Variants in NRXN1 observed in about 807,000 individuals in gnomAD.
The protein encoded by NRXN1 is neurexin-1.
A neutral mutation model predicts 150.9 loss-of-function variants in NRXN1; 39 were observed. That is an observed-to-expected ratio of 0.26 (90% CI 0.20 to 0.34). The LOEUF is 0.34. Among genes scored for constraint, NRXN1 ranks in the 10% least tolerant of loss-of-function variants. The pLI, the probability that NRXN1 is intolerant of heterozygous loss-of-function variation, is 1.00. For synonymous variants in NRXN1, 924 were observed against 757.0 expected (o/e 1.22, Z -3.62); for missense variants, 1,815 against 1,949.9 (o/e 0.93, Z 1.30).
At chr2:50,781,131 T>C (rs1371840615) in intron 5 of NRXN1, among the ~76,000 whole-genome samples, 1 of 152,204 alleles carries the variant, frequency 6.6e-6, no homozygotes. Flanking sequence ...AAACCTCATT[T>C]TCCTCAAGGA....
At chr2:50,977,000 T>C (rs1005069616) in intron 2 of NRXN1, among the ~76,000 whole-genome samples, 1 of 152,054 alleles carries the variant, frequency 6.6e-6, no homozygotes, top group African/African-American at 2.4e-5. Context: ...TTTGAAGGCA[T>C]AGCTTAATGT....
At position 50,315,996 on chromosome 2, in the gene NRXN1, A is replaced by T. The variant is rs116277214; in HGVS notation, c.3365-79026T>A. ...AGGATTCACATTGAACTGGGAAAGC[A>T]GTAAACGGCATGAGATGAAGGAGTT... On this transcript the variant is annotated intron_variant, in intron 17 of 22. Coordinates refer to ENST00000401669, the MANE Select transcript of NRXN1 (RefSeq NM_001330078.2). 7.8e-3 allele frequency among the ~76,000 whole-genome samples: 1,194 copies of T among 152,220 alleles called. 15 individuals carry two copies. The highest frequency in any genetic ancestry group is 0.028 in the African/African-American group (1,147 of 41,548).
chr2:50,301,579 G>A (rs563185292), intron 17 of NRXN1, among the ~76,000 whole-genome samples: 1 of 152,202 alleles, frequency 6.6e-6, no homozygotes, highest in South Asian at 2.1e-4. Flanking sequence ...TTCAACAAGG[G>A]AAAAGTCATC....
At chr2:50,766,069 AAC>A (rs1702351431) in intron 5 of NRXN1, among the ~76,000 whole-genome samples, 1 of 152,054 alleles carries the variant, frequency 6.6e-6, no homozygotes, top group Non-Finnish European at 1.5e-5. Flanking sequence ...ACAATCATGA[AAC>A]ACAGCCACAC....
At chr2:50,618,973 C>T (rs1164668613) in intron 8 of NRXN1, 1 of 151,972 alleles carries the variant, frequency 6.6e-6, no homozygotes, top group Non-Finnish European at 1.5e-5. Flanking sequence ...ACCTTTAAAT[C>T]TCCCTTAGGA....
At chr2:50,476,539 G>A (rs569281192) in intron 15 of NRXN1, among the ~76,000 whole-genome samples, 3 of 121,724 alleles carry the variant, frequency 2.5e-5, no homozygotes, top group Admixed American at 8.6e-5. Flanking sequence ...GACTTAGCCC[G>A]TCATTGATAC....
chr2:50,381,325 C>A (rs1403718821), intron 17 of NRXN1, among the ~76,000 whole-genome samples: 1 of 151,776 alleles, frequency 6.6e-6, no homozygotes, highest in African/African-American at 2.4e-5. Context: ...GTGGTTTCAT[C>A]TTATATTGTG....
intron 17 of NRXN1, among the ~76,000 whole-genome samples, chr2:50,276,655 T>C (rs1171065453): frequency 6.6e-5 from 10 of 152,306 alleles, no homozygotes; most frequent in Middle Eastern, 3.4e-3. Context: ...GGTGTTATAC[T>C]TATTGTCAAA....
chr2:50,167,059 T>G (rs1019602573), intron 18 of NRXN1, among the ~76,000 whole-genome samples: 1 of 152,122 alleles, frequency 6.6e-6, no homozygotes, highest in African/African-American at 2.4e-5. Context: ...AGGAGAGAAT[T>G]CTCAAAATAT....
At chr2:50,932,769 A>C (rs1687951815) in intron 2 of NRXN1, among the ~76,000 whole-genome samples, 1 of 152,168 alleles carries the variant, frequency 6.6e-6, no homozygotes, top group Admixed American at 6.5e-5. Flanking sequence ...CACACACACA[A>C]AATATAACTA....
chr2:50,590,177 C>G (rs1200878343), intron 8 of NRXN1, among the ~76,000 whole-genome samples: 2 of 152,136 alleles, frequency 1.3e-5, no homozygotes, highest in Non-Finnish European at 2.9e-5. Flanking sequence ...AAATCATTTA[C>G]TTACATGCAG....
intron 2 of NRXN1, among the ~76,000 whole-genome samples, chr2:50,980,742 C>A (rs1696658166): frequency 6.6e-6 from 1 of 152,048 alleles, no homozygotes. Flanking sequence ...CCAAAGTTGC[C>A]ATATGATAAA....
intron 5 of NRXN1, among the ~76,000 whole-genome samples, chr2:50,778,092 G>C (rs1223308839): frequency 1.3e-5 from 2 of 152,032 alleles, no homozygotes; most frequent in Non-Finnish European, 2.9e-5. Flanking sequence ...CACTTGATCA[G>C]CTTCAGAGAT....
At chr2:51,013,991 C>A (rs1425721682) in intron 2 of NRXN1, among the ~76,000 whole-genome samples, 1 of 152,004 alleles carries the variant, frequency 6.6e-6, no homozygotes, top group Non-Finnish European at 1.5e-5. Context: ...GATCTACAGA[C>A]ACTAGTGAGA....
chr2:50,165,747 C>A lies in NRXN1; in HGVS notation c.3546+71042G>T, dbSNP rs143361341. Among the ~76,000 whole-genome samples the A allele has an allele frequency of 1.1e-4, 17 of 152,282 alleles. 1 individual carries two copies. Among genetic ancestry groups the A allele is most frequent in the African/African-American group, 4.1e-4 (17 of 41,560 alleles). On this transcript the variant is annotated intron_variant, in intron 18 of 22. Transcript: ENST00000401669. Reference sequence around the variant, plus strand: ...TACCTCACAGGGCTTTTATGATGAACAAATCGGACAATACTTTTAGAAATG... The same window carrying A: ...TACCTCACAGGGCTTTTATGATGAAAAAATCGGACAATACTTTTAGAAATG...
intron 2 of NRXN1, among the ~76,000 whole-genome samples, chr2:50,959,547 G>A (rs1410719799): frequency 1.3e-5 from 2 of 151,994 alleles, no homozygotes; most frequent in African/African-American, 4.8e-5. Context: ...TGAACAGGTA[G>A]GTCTATAGAG....
chr2:50,466,621 A>G, intron 16 of NRXN1: 1 of 382,502 alleles, frequency 2.6e-6, no homozygotes, highest in Admixed American at 3.4e-5. Flanking sequence ...TGCTATGTAG[A>G]GCAAACAAAT....
intron 12 of NRXN1, among the ~76,000 whole-genome samples, chr2:50,525,026 T>A (rs2092908403): frequency 1.3e-5 from 2 of 152,190 alleles, no homozygotes; most frequent in South Asian, 4.1e-4. Flanking sequence ...ATGAGACTAA[T>A]GTCCTGTACA....
intron 2 of NRXN1, among the ~76,000 whole-genome samples, chr2:51,023,297 A>G (rs762316945): frequency 1.3e-5 from 2 of 152,136 alleles, no homozygotes; most frequent in Admixed American, 6.5e-5. Context: ...TTACTATTTT[A>G]TCACTTTTAC....
Sources: allele counts gnomAD v4.1 joint callset (sites outside exome capture counted in the v4.1 genomes callset), GRCh38; gene constraint gnomAD v4.1.1; transcripts MANE v1.5; gene names NCBI Gene and HGNC (gene_info 2026-07-23, HGNC 2026-07-21).